The following P4HA1 variants were observed in gnomAD, a reference collection of about 807,000 sequenced individuals.
P4HA1 encodes the protein prolyl 4-hydroxylase subunit alpha 1, also known as prolyl 4-hydroxylase subunit alpha-1.
In P4HA1, 24 loss-of-function variants were observed where a neutral mutation model predicts 72.8. That is an observed-to-expected ratio of 0.33 (90% confidence interval 0.24 to 0.46). The LOEUF (loss-of-function observed/expected upper bound fraction) is 0.46, where lower values mean the gene tolerates loss of function less well. Among genes scored for constraint, P4HA1 ranks in the 20% least tolerant of loss-of-function variants. The pLI, the probability that P4HA1 is intolerant of heterozygous loss-of-function variation, is 1.00. For missense variants in P4HA1, 446 were observed against 640.6 expected, an observed-to-expected ratio of 0.70 and a Z score of 3.28; for synonymous variants, 201 against 218.8, an observed-to-expected ratio of 0.92 and a Z score of 0.72.
intron 5 of P4HA1, among the ~76,000 whole-genome samples, chr10:73,064,679 A>C (rs921056262): frequency 2.0e-5 from 3 of 152,134 alleles, no homozygotes; most frequent in South Asian, 2.1e-4. Context: ...CATCTCTACT[A>C]AAAATAACAA....
At chr10:73,094,919 A>T (rs1230258459) in intron 1 of P4HA1, among the ~76,000 whole-genome samples, 7 of 152,192 alleles carry the variant, frequency 4.6e-5, no homozygotes, top group African/African-American at 1.2e-4. Context: ...TGGCCAATGT[A>T]ATTATCCGCC....
At chr10:73,053,996 A>G (rs1841078124) in intron 5 of P4HA1, among the ~76,000 whole-genome samples, 1 of 151,808 alleles carries the variant, frequency 6.6e-6, no homozygotes, top group Non-Finnish European at 1.5e-5. Context: ...AGCTCACCAC[A>G]ACCTCCGCCT....
In P4HA1 at chr10:73,053,449, A is replaced by G. The variant is rs566474557; in HGVS notation, c.605T>C (p.Ile202Thr). The change falls in exon 6 of 15, where the codon ATA becomes ACA. Residue 202 changes from isoleucine (I) to threonine (T), a missense_variant. Physicochemically the swap from Ile to Thr is moderately conservative, Grantham distance 89. Transcript: ENST00000394890. Reference protein sequence around the residue: ...RQLDEGEISTIDKVSVLDYLS... With the variant: ...RQLDEGEISTTDKVSVLDYLS... ...ATAATCTAGAACAGAGACTTTATCT[A>G]TGGTAGAAATCTCGCCTTCATCCAG... The G allele has an allele frequency of 1.2e-6, 2 of 1,614,120 alleles. No individual in the cohort carries two copies. Among genetic ancestry groups the G allele is most frequent in the East Asian group, 2.2e-5 (1 of 44,886 alleles).
intron 5 of P4HA1, among the ~76,000 whole-genome samples, chr10:73,057,931 A>C (rs1420612883): frequency 6.6e-6 from 1 of 151,802 alleles, no homozygotes; most frequent in Non-Finnish European, 1.5e-5. Flanking sequence ...CTTTACTAAA[A>C]ATACAAAAAA....
chr10:73,023,149 C>T (rs1840176542), intron 10 of P4HA1, among the ~76,000 whole-genome samples: 1 of 152,054 alleles, frequency 6.6e-6, no homozygotes, highest in Non-Finnish European at 1.5e-5. Context: ...CAGAGAACAC[C>T]ACAAAGATAC....
At position 73,072,093 on chromosome 10, in the gene P4HA1, T is replaced by C. The variant is rs1370219338; in HGVS notation, c.261A>G (p.Leu87=). ...TCCACTCAGTATTCAGACGTTTCAT[T>C]AATTTGAATGCATTTACTGGATGCC... The part of the protein sequence containing the change: ...FVGHPVNAFK[L]MKRLNTEWSE... The change falls in exon 4 of 15, where the codon TTA becomes TTG. Residue 87 remains leucine, a synonymous_variant. Transcript: ENST00000394890. The C allele has an allele frequency of 6.2e-7, 1 of 1,612,960 alleles. No homozygotes were observed. The highest frequency in any genetic ancestry group is 1.3e-5 in the African/African-American group (1 of 74,904).
intron 1 of P4HA1, among the ~76,000 whole-genome samples, chr10:73,077,476 C>A (rs1157414186): frequency 6.6e-6 from 1 of 152,116 alleles, no homozygotes; most frequent in Non-Finnish European, 1.5e-5. Context: ...TGGTATTTTT[C>A]TTCGAATAGC....
Position 73,026,377 on chromosome 10 carries a change from C to T in P4HA1, c.1248+3894G>A, listed in dbSNP as rs546232723. 8.8e-3 allele frequency among the ~76,000 whole-genome samples: 1,338 copies of T among 152,088 alleles called. 9 individuals are homozygous for T. Among genetic ancestry groups the T allele is most frequent in the South Asian group, 0.012 (60 of 4,820 alleles). On this transcript the variant is annotated intron_variant, in intron 10 of 14. Transcript: ENST00000394890. ...GGGAAAGGATTCCCTATTTAATAAA[C>T]GGTGCTGGGAAAACTGGCTAGCCAT...
chr10:73,065,588 C>T (rs189886734), intron 5 of P4HA1: 1 of 152,148 alleles, frequency 6.6e-6, no homozygotes, highest in African/African-American at 2.4e-5. Context: ...TAAAGTCTGA[C>T]AAAACCAAGA....
intron 5 of P4HA1, among the ~76,000 whole-genome samples, chr10:73,063,230 C>T (rs946108369): frequency 9.2e-5 from 14 of 152,160 alleles, no homozygotes; most frequent in South Asian, 2.1e-4. Context: ...AAAGCACCAG[C>T]GGGTTCAATT....
intron 6 of P4HA1, among the ~76,000 whole-genome samples, chr10:73,051,585 C>A (rs567702635): frequency 6.6e-6 from 1 of 152,146 alleles, no homozygotes; most frequent in Non-Finnish European, 1.5e-5. Context: ...CATAGTGAAA[C>A]CTCGTCTCTA....
At chr10:73,034,648 T>G (rs1282985086) in intron 9 of P4HA1, among the ~76,000 whole-genome samples, 1 of 151,068 alleles carries the variant, frequency 6.6e-6, no homozygotes, top group Non-Finnish European at 1.5e-5. Context: ...AGTGCAGTGA[T>G]GCAATCTTGG....
chr10:73,013,910 T>A (rs1430128914), intron 12 of P4HA1, among the ~76,000 whole-genome samples: 1 of 152,146 alleles, frequency 6.6e-6, no homozygotes, highest in African/African-American at 2.4e-5. Flanking sequence ...TGTATAGAAA[T>A]TCAAATATAT....
chr10:73,028,207 A>G (rs1483655502), intron 10 of P4HA1, among the ~76,000 whole-genome samples: 1 of 150,096 alleles, frequency 6.7e-6, no homozygotes, highest in African/African-American at 2.5e-5. Flanking sequence ...CGTTATAAAT[A>G]AAAGCTTTCA....
At position 73,072,032 on chromosome 10, in the gene P4HA1, C is replaced by T. The variant is rs200863435; in HGVS notation, c.322G>A (p.Asp108Asn). ...TCAGGAATCTCTTCAGACTTACCAT[C>T]TGACATATCCTTAAGGACCAGATTC... ...LENLVLKDMS[D>N]GFISNLTIQR... Residue 108 changes from aspartate to asparagine, a missense_variant, in exon 4 of 15, where the codon GAT (aspartate) becomes AAT (asparagine). By Grantham distance (23) the Asp-to-Asn change is conservative (BLOSUM62 1). Coordinates refer to ENST00000394890, the MANE Select transcript of P4HA1 (RefSeq NM_001017962.3). 6 of 1,607,274 alleles carry T rather than the reference C, an allele frequency of 3.7e-6. No homozygotes were observed. In the African/African-American group the frequency reaches 8.0e-5, roughly 21 times the overall value.
At chr10:73,043,976 G>T in intron 9 of P4HA1, 1 of 1,595,934 alleles carries the variant, frequency 6.3e-7, no homozygotes, top group Middle Eastern at 1.7e-4. Context: ...AAAGAGAAAG[G>T]ACAAGGACTT....
At chr10:73,029,514 TACAG>T (rs1840382309) in intron 10 of P4HA1, among the ~76,000 whole-genome samples, 1 of 150,844 alleles carries the variant, frequency 6.6e-6, no homozygotes, top group African/African-American at 2.4e-5. Context: ...AAAAATCTAA[TACAG>T]AAAAGGGAAC....
chr10:73,010,566 A>T (rs1438699851), intron 13 of P4HA1, among the ~76,000 whole-genome samples: 2 of 152,186 alleles, frequency 1.3e-5, no homozygotes, highest in African/African-American at 4.8e-5. Flanking sequence ...GACCATAAAA[A>T]TACCTTTAAA....
At chr10:73,090,517 T>G (rs1842006878) in intron 1 of P4HA1, among the ~76,000 whole-genome samples, 1 of 152,228 alleles carries the variant, frequency 6.6e-6, no homozygotes, top group Non-Finnish European at 1.5e-5. Flanking sequence ...TTGTCAAATT[T>G]ATCAAATTGT....
Sources: allele counts gnomAD v4.1 joint callset (sites outside exome capture counted in the v4.1 genomes callset), GRCh38; gene constraint gnomAD v4.1.1; transcripts MANE v1.5; gene names NCBI Gene and HGNC (gene_info 2026-07-23, HGNC 2026-07-21).